Variants in NTNG2 observed in about 807,000 individuals in gnomAD.
NTNG2 encodes the protein netrin G2.
NTNG2 carries 15 observed loss-of-function variants against 47.6 expected under a neutral mutation model. The ratio of observed to expected loss-of-function variants is 0.32; its 90% CI spans 0.21 to 0.49. The LOEUF (loss-of-function observed/expected upper bound fraction) is 0.49. Among genes scored for constraint, NTNG2 ranks in the 20% least tolerant of loss-of-function variants. NTNG2 has a pLI of 0.99. For synonymous variants in NTNG2, 307 were observed against 324.6 expected, an observed-to-expected ratio of 0.95 and a Z score of 0.58; for missense variants, 578 against 764.6, an observed-to-expected ratio of 0.76 and a Z score of 2.88.
intron 3 of NTNG2, among the ~76,000 whole-genome samples, chr9:132,219,476 G>A (rs1277627744): frequency 6.6e-6 from 1 of 150,958 alleles, no homozygotes; most frequent in African/African-American, 2.4e-5. Flanking sequence ...AGCAGGCTGA[G>A]GCAGGAGAAT....
chr9:132,240,556 C>A, intron 6 of NTNG2: 1 of 396,066 alleles, frequency 2.5e-6, no homozygotes. Context: ...GTGGCCTCTG[C>A]TGAGTTTCTG....
At chr9:132,240,123 C>T (rs1204285613) in intron 6 of NTNG2, among the ~76,000 whole-genome samples, 3 of 152,264 alleles carry the variant, frequency 2.0e-5, no homozygotes, top group African/African-American at 7.2e-5. Context: ...CCTTGGGACA[C>T]CATCACCCAT....
chr9:132,241,192 A>G (rs1589574618), intron 7 of NTNG2, 148 bp downstream of exon 7: 1 of 468,600 alleles, frequency 2.1e-6, no homozygotes, highest in East Asian at 1.1e-4. Context: ...GGTGGGGCCT[A>G]GTGGGACGGG....
chr9:132,194,786 C>A (rs563379125), intron 2 of NTNG2, among the ~76,000 whole-genome samples: 2 of 152,346 alleles, frequency 1.3e-5, no homozygotes, highest in African/African-American at 4.8e-5. Flanking sequence ...AACCGAGGGT[C>A]AGCCCTGCCA....
intron 7 of NTNG2, 119 bp downstream of exon 7, chr9:132,241,163 G>A: frequency 7.8e-7 from 1 of 1,283,874 alleles, no homozygotes; most frequent in Non-Finnish European, 1.0e-6. Context: ...TAGCAAGACG[G>A]GGCAGGGCCG....
At chr9:132,194,142 AAG>A (rs1838100927) in intron 2 of NTNG2, among the ~76,000 whole-genome samples, 1 of 152,146 alleles carries the variant, frequency 6.6e-6, no homozygotes, top group African/African-American at 2.4e-5. Context: ...AGCCCCTAGG[AAG>A]TCCCCAGGGG....
In NTNG2 at chr9:132,221,001, A is replaced by C. The variant is rs1840314595; in HGVS notation, c.858-5848A>C. ...AAAACATACTGTGTATTCAAAAACA[A>C]ATAATAGCCTGTAGAGCTGTTTTAC... is the stretch of plus-strand genomic sequence containing the variant. On this transcript the variant is annotated intron_variant, in intron 3 of 7. Transcript: ENST00000393229. The surrounding 1 kb of genome is among the most constrained non-coding windows in gnomAD (Gnocchi z 4.2). Among the ~76,000 whole-genome samples, 1 of 152,206 alleles carries C rather than the reference A, an allele frequency of 6.6e-6. No homozygotes were observed. The highest frequency in any genetic ancestry group is 2.4e-5 in the African/African-American group (1 of 41,454).
chr9:132,219,073 C>T (rs908510459), intron 3 of NTNG2, among the ~76,000 whole-genome samples: 5 of 151,362 alleles, frequency 3.3e-5, no homozygotes, highest in South Asian at 2.1e-4. Flanking sequence ...ACACTCTGGC[C>T]GGGTGTGGTG....
In NTNG2 at chr9:132,224,381, C is replaced by T. The variant is rs181254242; in HGVS notation, c.858-2468C>T. On this transcript the variant is annotated intron_variant, in intron 3 of 7. Coordinates refer to ENST00000393229, the MANE Select transcript of NTNG2 (RefSeq NM_032536.4). Reference sequence around the variant, plus strand: ...ACACTTCAGTGGGTTTTGCCATATGCATAATGCCACATATCTACCATTGTG... The same window carrying T: ...ACACTTCAGTGGGTTTTGCCATATGTATAATGCCACATATCTACCATTGTG... 2.0e-5 allele frequency among the ~76,000 whole-genome samples: 3 copies of T among 152,248 alleles called. No individual in the cohort carries two copies. The East Asian group carries it at 5.8e-4, about 29-fold the overall frequency.
At position 132,227,474 on chromosome 9, in the gene NTNG2, A is replaced by T. The variant is rs150187935; in HGVS notation, c.1030+453A>T. Among the ~76,000 whole-genome samples the T allele has an allele frequency of 2.3e-3, 351 of 151,900 alleles. 1 individual carries two copies. The highest frequency in any genetic ancestry group is 6.6e-3 in the African/African-American group (273 of 41,414). Reference sequence around the variant, plus strand: ...GGATGGCAGGGAGTGATGGGGTGGGACCCCCACTTCAGGTGAGGGGATCAG... The same window carrying T: ...GGATGGCAGGGAGTGATGGGGTGGGTCCCCCACTTCAGGTGAGGGGATCAG... On this transcript the variant is annotated intron_variant, in intron 4 of 7. Transcript: ENST00000393229.
chr9:132,229,970 C>T (rs567791294), intron 4 of NTNG2, among the ~76,000 whole-genome samples: 68 of 152,344 alleles, frequency 4.5e-4, no homozygotes, highest in Middle Eastern at 6.8e-3. Context: ...CGCCCACTCT[C>T]GGCTATATTT....
intron 2 of NTNG2, among the ~76,000 whole-genome samples, chr9:132,187,579 G>A (rs1265378425): frequency 6.8e-6 from 1 of 147,296 alleles, no homozygotes. Flanking sequence ...AAGAGAGAGA[G>A]AGAGAGAGAG....
chr9:132,239,641 G>A (rs555561962), intron 6 of NTNG2, among the ~76,000 whole-genome samples: 3 of 116,298 alleles, frequency 2.6e-5, no homozygotes. Flanking sequence ...GCTGGTGTGT[G>A]GGGGGGTCCC....
Position 132,198,125 on chromosome 9 carries a change from C to G in NTNG2, c.373C>G (p.Leu125Val). Residue 125 changes from leucine (L) to valine (V), a missense_variant, in exon 3 of 8, where the codon CTT becomes GTT. By Grantham distance (32) the Leu-to-Val change is conservative. Coordinates refer to ENST00000393229, the MANE Select transcript of NTNG2 (RefSeq NM_032536.4). ...YPSPLEANIT[L>V]SWNKTVELTD... ...CAGCCCGCTGGAAGCCAACATCACC[C>G]TTTCGTGGAACAAGACCGTGGAGCT... 1 of 1,613,912 alleles carries G rather than the reference C, an allele frequency of 6.2e-7. No individual in the cohort carries two copies. Among genetic ancestry groups the G allele is most frequent in the Non-Finnish European group, 8.5e-7 (1 of 1,180,026 alleles).
At chr9:132,216,450 G>C (rs1482517716) in intron 3 of NTNG2, among the ~76,000 whole-genome samples, 2 of 145,352 alleles carry the variant, frequency 1.4e-5, no homozygotes, top group Non-Finnish European at 3.0e-5. Context: ...GTGTGTGTGT[G>C]TGTGTGTGTG....
intron 3 of NTNG2, among the ~76,000 whole-genome samples, chr9:132,213,357 A>G (rs928239477): frequency 1.5e-5 from 2 of 129,834 alleles, no homozygotes; most frequent in African/African-American, 6.5e-5. Flanking sequence ...AAAAAAAAAA[A>G]AAAAGAAGGA....
At chr9:132,206,349 T>C (rs1422765702) in intron 3 of NTNG2, among the ~76,000 whole-genome samples, 2 of 152,172 alleles carry the variant, frequency 1.3e-5, no homozygotes, top group Non-Finnish European at 2.9e-5. Flanking sequence ...AAAGGCAGCT[T>C]TGTGTTCTGC....
rs73661562 is a variant in NTNG2, at chr9:132,218,166, C to T, written c.858-8683C>T. Reference sequence around the variant, plus strand: ...TGCCCACCAGCACCATGGGGGCTCCCGGCTCCTGCCACACAGGCCACCCGG... The same window carrying T: ...TGCCCACCAGCACCATGGGGGCTCCTGGCTCCTGCCACACAGGCCACCCGG... On this transcript the variant is annotated intron_variant, in intron 3 of 7. Coordinates refer to ENST00000393229, the MANE Select transcript of NTNG2 (RefSeq NM_032536.4). This position sits in a 1 kb window ranked among gnomAD's most constrained non-coding sequence, Gnocchi z 5.4. Among the ~76,000 whole-genome samples the T allele has an allele frequency of 6.6e-5, 10 of 152,354 alleles. No homozygotes were observed. The highest frequency in any genetic ancestry group is 1.2e-4 in the Non-Finnish European group (8 of 68,034).
intron 1 of NTNG2, among the ~76,000 whole-genome samples, chr9:132,165,030 A>G (rs1835410423): frequency 6.6e-6 from 1 of 152,252 alleles, no homozygotes; most frequent in Non-Finnish European, 1.5e-5. Context: ...AGAGGATGTC[A>G]GGGGAGAGCC....
Sources: allele counts gnomAD v4.1 joint callset (sites outside exome capture counted in the v4.1 genomes callset), GRCh38; gene constraint gnomAD v4.1.1; non-coding constraint Gnocchi (gnomAD v3.1); transcripts MANE v1.5; gene names NCBI Gene and HGNC (gene_info 2026-07-23, HGNC 2026-07-21).